The following PPFIA2 variants were observed in gnomAD, a reference collection of about 807,000 sequenced individuals.
PPFIA2 encodes the protein PPFI scaffold protein A2.
A neutral mutation model predicts 175.5 loss-of-function variants in PPFIA2; 46 were observed. The observed-to-expected ratio is 0.26, with a 90% CI of 0.21 to 0.34. The LOEUF (loss-of-function observed/expected upper bound fraction) is 0.34. Ranked by LOEUF, PPFIA2 falls within the 10% of genes least tolerant of loss-of-function variation. PPFIA2 has a pLI of 1.00. For synonymous variants in PPFIA2, 568 were observed against 511.4 expected, an observed-to-expected ratio of 1.11 and a Z score of -1.49; for missense variants, 1,179 against 1,506.1, an observed-to-expected ratio of 0.78 and a Z score of 3.60.
intron 15 of PPFIA2, among the ~76,000 whole-genome samples, chr12:81,360,395 TAAATAA>T (rs1269793110): frequency 1.3e-5 from 2 of 151,980 alleles, no homozygotes; most frequent in East Asian, 3.9e-4. Flanking sequence ...AGAACTTGCA[TAAATAA>T]GCCAGGTAAG....
Position 81,405,879 on chromosome 12 carries a change from C to T in PPFIA2, c.670G>A (p.Val224Ile). The change falls in exon 8 of 33, where the codon GTT becomes ATT. Residue 224 changes from valine to isoleucine, a missense_variant. Around this residue, in one of 10 missense-constraint regions of PPFIA2, gnomAD observed 226 missense variants for 216.6 expected, o/e 1.04. Coordinates refer to ENST00000549396, the MANE Select transcript of PPFIA2 (RefSeq NM_003625.5). ...GATGCCATTTTTCTTTGTATATGAA[C>T]ATTTTGTTCACGCAAGGCAACAATC... ...QEIVALREQNVHIQRKMASSE... is the reference protein window; with the variant it reads ...QEIVALREQNIHIQRKMASSE... 1.3e-6 allele frequency: 2 copies of T among 1,570,450 alleles called. No individual in the cohort carries two copies. The highest frequency in any genetic ancestry group is 1.7e-6 in the Non-Finnish European group (2 of 1,155,844).
intron 4 of PPFIA2, among the ~76,000 whole-genome samples, chr12:81,539,563 A>G (rs2065904716): frequency 6.6e-6 from 1 of 151,946 alleles, no homozygotes; most frequent in Admixed American, 6.6e-5. Context: ...GCCATAACGA[A>G]TCAGTGGGGC....
intron 4 of PPFIA2, among the ~76,000 whole-genome samples, chr12:81,650,519 T>G (rs1207964503): frequency 2.1e-4 from 32 of 152,148 alleles, no homozygotes; most frequent in Non-Finnish European, 1.5e-4. Flanking sequence ...ATGTATAGAC[T>G]TATATCCTAT....
chr12:81,417,662 C>T (rs947200271), intron 7 of PPFIA2, among the ~76,000 whole-genome samples: 1 of 151,716 alleles, frequency 6.6e-6, no homozygotes, highest in African/African-American at 2.4e-5. Context: ...TACTTCAGTT[C>T]TAATGGTAAT....
intron 22 of PPFIA2, among the ~76,000 whole-genome samples, chr12:81,303,205 T>C (rs1211174607): frequency 6.6e-6 from 1 of 152,192 alleles, no homozygotes; most frequent in Non-Finnish European, 1.5e-5. Flanking sequence ...TGTGATCACT[T>C]ACCCCAGTAC....
chr12:81,493,013 G>A (rs182101814), intron 4 of PPFIA2, among the ~76,000 whole-genome samples: 2 of 152,136 alleles, frequency 1.3e-5, no homozygotes, highest in East Asian at 3.9e-4. Context: ...GAGATAAAGA[G>A]GAAAGTCAGA....
intron 4 of PPFIA2, among the ~76,000 whole-genome samples, chr12:81,622,951 T>C (rs1198265171): frequency 6.6e-6 from 1 of 152,082 alleles, no homozygotes; most frequent in Non-Finnish European, 1.5e-5. Context: ...TGAGTAAGAA[T>C]ATACACATAC....
intron 3 of PPFIA2, among the ~76,000 whole-genome samples, chr12:81,735,978 A>G (rs1409019640): frequency 6.6e-6 from 1 of 151,890 alleles, no homozygotes; most frequent in Non-Finnish European, 1.5e-5. Flanking sequence ...CTTTTAGAGT[A>G]AGTTTTGAAA....
In PPFIA2 at chr12:81,382,990, GA is replaced by G. The variant is rs2038082168; in HGVS notation, c.984+1032del. ...AGCAAGTAAATACGGATGAAAACCA[GA>G]AGAGGATAATGTGCTATGAGCCCAG... On this transcript the variant is annotated intron_variant, in intron 9 of 32. Coordinates refer to ENST00000549396, the MANE Select transcript of PPFIA2 (RefSeq NM_003625.5). Among the ~76,000 whole-genome samples, 4 of 152,246 alleles carry G rather than the reference GA, an allele frequency of 2.6e-5. No individual in the cohort carries two copies. The South Asian group carries it at 8.3e-4, about 32-fold the overall frequency.
intron 8 of PPFIA2, among the ~76,000 whole-genome samples, chr12:81,397,792 A>G (rs762977315): frequency 4.6e-5 from 7 of 152,046 alleles, no homozygotes; most frequent in Non-Finnish European, 7.4e-5. Context: ...ATCTGTATTT[A>G]CAACCACTCC....
At chr12:81,475,880 T>C (rs955699255) in intron 4 of PPFIA2, among the ~76,000 whole-genome samples, 2 of 152,070 alleles carry the variant, frequency 1.3e-5, no homozygotes, top group East Asian at 3.9e-4. Flanking sequence ...GCCGGCTAAT[T>C]CTTTGTATTT....
Position 81,374,621 on chromosome 12 carries a change from T to C in PPFIA2, c.1266+13A>G, listed in dbSNP as rs2035940267. 9 of 1,601,226 alleles carry C rather than the reference T, an allele frequency of 5.6e-6. No homozygotes were observed. In the Admixed American group the frequency reaches 1.2e-4, roughly 22 times the overall value. ...AAATATATCTAGGTTGACCAGTTGT[T>C]CTAGTGCAGTACCTTGGTTAGGGCT... is the stretch of plus-strand genomic sequence containing the variant. On this transcript the variant is annotated intron_variant, in intron 11 of 32. Coordinates refer to ENST00000549396, the MANE Select transcript of PPFIA2 (RefSeq NM_003625.5).
At chr12:81,467,672 T>A (rs920957718) in intron 4 of PPFIA2, among the ~76,000 whole-genome samples, 1 of 152,216 alleles carries the variant, frequency 6.6e-6, no homozygotes, top group Non-Finnish European at 1.5e-5. Context: ...GCATCTATTA[T>A]CACTAACCCA....
chr12:81,532,869 C>T (rs2048736060), intron 4 of PPFIA2, among the ~76,000 whole-genome samples: 1 of 151,744 alleles, frequency 6.6e-6, no homozygotes, highest in Non-Finnish European at 1.5e-5. Flanking sequence ...ATTTGCATTT[C>T]CCCTCTCAAC....
At chr12:81,453,592 A>G (rs1265678932) in intron 5 of PPFIA2, among the ~76,000 whole-genome samples, 2 of 152,090 alleles carry the variant, frequency 1.3e-5, no homozygotes, top group Non-Finnish European at 2.9e-5. Context: ...TATCAGTATA[A>G]AAATATTGAA....
intron 4 of PPFIA2, among the ~76,000 whole-genome samples, chr12:81,629,184 AT>A (rs1388224062): frequency 2.0e-5 from 3 of 152,108 alleles, no homozygotes; most frequent in Non-Finnish European, 4.4e-5. Flanking sequence ...TATAATATGA[AT>A]TTTTTAATTG....
chr12:81,701,004 G>T (rs939421697), intron 3 of PPFIA2, among the ~76,000 whole-genome samples: 1 of 152,140 alleles, frequency 6.6e-6, no homozygotes, highest in African/African-American at 2.4e-5. Flanking sequence ...AAACCATGGA[G>T]AAGTGAGTAA....
At chr12:81,338,591 T>C (rs1193008405) in intron 21 of PPFIA2, among the ~76,000 whole-genome samples, 5 of 114,710 alleles carry the variant, frequency 4.4e-5, no homozygotes, top group East Asian at 2.3e-4. Context: ...GGGGAAGCTA[T>C]GATAGTTTTA....
At chr12:81,268,610 CAG>C (rs1278506222) in intron 28 of PPFIA2, among the ~76,000 whole-genome samples, 2 of 152,136 alleles carry the variant, frequency 1.3e-5, no homozygotes, top group African/African-American at 2.4e-5. Flanking sequence ...TGTTATTTTT[CAG>C]AGTGTTTGTT....
Sources: allele counts gnomAD v4.1 joint callset (sites outside exome capture counted in the v4.1 genomes callset), GRCh38; gene constraint gnomAD v4.1.1; regional missense constraint gnomAD v4.1.1; transcripts MANE v1.5; gene names NCBI Gene and HGNC (gene_info 2026-07-23, HGNC 2026-07-21).